PCLAF: variants seen among roughly 807,000 people sequenced by gnomAD.
The protein encoded by PCLAF is PCNA clamp associated factor.
Under a neutral mutation model 15.1 loss-of-function variants are expected in PCLAF, and 12 were observed. The observed-to-expected ratio is 0.79, with a 90% CI of 0.51 to 1.29. The LOEUF (loss-of-function observed/expected upper bound fraction) is 1.29, where lower values mean the gene tolerates loss of function less well. PCLAF is among the 50% of genes most tolerant of loss of function. PCLAF has a pLI of 0.00. For synonymous variants in PCLAF, 33 were observed against 47.1 expected, an observed-to-expected ratio of 0.70 and a Z score of 1.22; for missense variants, 116 against 130.9, an observed-to-expected ratio of 0.89 and a Z score of 0.56.
upstream of PCLAF, chr15:64,382,582 C>T (rs1899852092): frequency 6.5e-6 from 1 of 153,444 alleles, no homozygotes; most frequent in African/African-American, 2.4e-5. Flanking sequence ...GAGCATAACT[C>T]TAGGATAAAG....
intron 1 of PCLAF, 105 bp downstream of exon 1, chr15:64,381,221 T>C: frequency 1.4e-6 from 2 of 1,402,726 alleles, no homozygotes; most frequent in South Asian, 2.3e-5. Context: ...GCTAGCTAGA[T>C]GAGTTTGGCG....
intron 3 of PCLAF, among the ~76,000 whole-genome samples, chr15:64,371,161 G>T (rs1174797670): frequency 6.6e-6 from 1 of 151,480 alleles, no homozygotes; most frequent in African/African-American, 2.4e-5. Context: ...GTAGAGACAG[G>T]GTTTCACTGT....
At chr15:64,381,519 C>A, upstream of PCLAF, 1 of 1,540,374 alleles carries the variant, frequency 6.5e-7, no homozygotes, top group Non-Finnish European at 8.8e-7. Flanking sequence ...CCACCGCTCC[C>A]ATTGGTTCCG....
At chr15:64,383,088 G>A (rs1210971039), upstream of PCLAF, 1 of 153,252 alleles carries the variant, frequency 6.5e-6, no homozygotes, top group East Asian at 1.9e-4. Context: ...TGTAAACACA[G>A]CATTAATTCT....
At chr15:64,385,369 T>C (rs1899913153), upstream of PCLAF, among the ~76,000 whole-genome samples, 1 of 152,168 alleles carries the variant, frequency 6.6e-6, no homozygotes, top group South Asian at 2.1e-4. Context: ...AGAGGGCTTG[T>C]AATCCCAGCA....
chr15:64,368,284 A>AGGTT (rs1368402032), intron 3 of PCLAF, among the ~76,000 whole-genome samples: 6 of 152,194 alleles, frequency 3.9e-5, no homozygotes, highest in Middle Eastern at 3.4e-3. Context: ...GGTGGACTCC[A>AGGTT]GCCTGGGCAA....
intron 1 of PCLAF, 27 bp from the exon 2 acceptor site, chr15:64,381,065 T>C: frequency 3.7e-6 from 6 of 1,609,442 alleles, no homozygotes; most frequent in Non-Finnish European, 4.3e-6. Context: ...AAAAGGGTGT[T>C]CAGAAGGGGC....
chr15:64,369,918 C>A (rs1433081890), intron 3 of PCLAF, among the ~76,000 whole-genome samples: 1 of 152,058 alleles, frequency 6.6e-6, no homozygotes, highest in Non-Finnish European at 1.5e-5. Context: ...GTCACACATA[C>A]CATAGGTCAA....
chr15:64,369,598 C>T (rs1899196718), intron 3 of PCLAF, among the ~76,000 whole-genome samples: 1 of 152,012 alleles, frequency 6.6e-6, no homozygotes, highest in Non-Finnish European at 1.5e-5. Context: ...CTTTGTTGCC[C>T]AGGCTGAAGT....
At chr15:64,376,189 C>A (rs1899595857) in intron 3 of PCLAF, among the ~76,000 whole-genome samples, 1 of 152,066 alleles carries the variant, frequency 6.6e-6, no homozygotes, top group Admixed American at 6.6e-5. Context: ...AGCGCCACTG[C>A]CCTCTAGCCT....
At chr15:64,372,283 C>G (rs1000710104) in intron 3 of PCLAF, among the ~76,000 whole-genome samples, 1 of 152,122 alleles carries the variant, frequency 6.6e-6, no homozygotes, top group African/African-American at 2.4e-5. Context: ...AAATTCCAGT[C>G]TATCATTGCT....
rs896681660 is a variant in PCLAF, at chr15:64,371,085, C to G, written c.291-5010G>C. ...CTGAGTTCACGCTATTCTCCTGCCT[C>G]AGCCTCCCGAGTAGCTGGGACTCCA... On this transcript the variant is annotated intron_variant, in intron 3 of 3. Coordinates refer to ENST00000300035, the MANE Select transcript of PCLAF (RefSeq NM_014736.6). Among the ~76,000 whole-genome samples the G allele has an allele frequency of 1.7e-4, 26 of 150,904 alleles. 1 individual carries two copies. Among genetic ancestry groups the G allele is most frequent in the Admixed American group, 1.5e-3 (23 of 15,034 alleles).
intron 2 of PCLAF, among the ~76,000 whole-genome samples, chr15:64,377,442 A>AGTCTGGC (rs1899636888): frequency 7.7e-6 from 1 of 129,496 alleles, no homozygotes; most frequent in Non-Finnish European, 1.6e-5. Context: ...TGCACACTCC[A>AGTCTGGC]GTCTGGCAAC....
At chr15:64,385,387 A>G (rs1416206756), upstream of PCLAF, among the ~76,000 whole-genome samples, 1 of 152,142 alleles carries the variant, frequency 6.6e-6, no homozygotes, top group Non-Finnish European at 1.5e-5. Flanking sequence ...GCACTTTGGG[A>G]GGCCGAGGCG....
In PCLAF at chr15:64,380,306, C is replaced by T. The variant is rs1899770516; in HGVS notation, c.127+652G>A. Among the ~76,000 whole-genome samples, 3 of 152,006 alleles carry T rather than the reference C, an allele frequency of 2.0e-5. No individual in the cohort carries two copies. The South Asian group carries it at 6.2e-4, about 32-fold the overall frequency. On this transcript the variant is annotated intron_variant, in intron 2 of 3. Coordinates refer to ENST00000300035, the MANE Select transcript of PCLAF (RefSeq NM_014736.6). ...GCAGAGGCAGGAGAATCGTGTGAAC[C>T]CGAGAGGCGGAGGTTGCAGTGAACC...
chr15:64,387,526 G>T lies in PCLAF; in HGVS notation n.162C>A, dbSNP rs988997790. 5.1e-5 allele frequency: 66 copies of T among 1,306,830 alleles called. No homozygotes were observed. In the East Asian group the frequency reaches 2.9e-3, roughly 57 times the overall value. The allele number at this position is 1,306,830 out of a possible 1,614,324, so 81.0% of individuals were successfully genotyped here. ...TAAAAAGCTGGCCTCTCAGCTTTCC[G>T]GGTATTGGTTTGTTTTCCCCCTAAA... On this transcript the variant is annotated non_coding_transcript_exon_variant, in exon 1 of 2. Coordinates refer to the PCLAF transcript ENST00000558250.
chr15:64,367,950 TA>T (rs1899116040), intron 3 of PCLAF, among the ~76,000 whole-genome samples: 2 of 152,062 alleles, frequency 1.3e-5, no homozygotes, highest in African/African-American at 4.8e-5. Flanking sequence ...AGATCTACTC[TA>T]AAATTCTTGG....
chr15:64,376,685 CTGGGATTACAGGCG>C, intron 3 of PCLAF, 44 bp downstream of exon 3: 2 of 1,433,826 alleles, frequency 1.4e-6, no homozygotes, highest in East Asian at 4.7e-5. Context: ...TCCCAAAGTG[CTGGGATTACAGGCG>C]TGAGATAAAT....
chr15:64,385,243 T>C (rs1400933572), upstream of PCLAF, among the ~76,000 whole-genome samples: 1 of 152,142 alleles, frequency 6.6e-6, no homozygotes. Context: ...CATACTAAAT[T>C]ATATTATATG....
Sources: allele counts gnomAD v4.1 joint callset (sites outside exome capture counted in the v4.1 genomes callset), GRCh38; gene constraint gnomAD v4.1.1; transcripts MANE v1.5; gene names NCBI Gene and HGNC (gene_info 2026-07-23, HGNC 2026-07-21).